Variants in ZBTB20 observed in about 807,000 individuals in gnomAD.
ZBTB20 encodes the protein zinc finger and BTB domain-containing protein 20.
ZBTB20 carries 9 observed loss-of-function variants against 56.9 expected under a neutral mutation model. The observed-to-expected ratio is 0.16, with a 90% CI of 0.10 to 0.28. The LOEUF (loss-of-function observed/expected upper bound fraction) is 0.28, where lower values mean the gene tolerates loss of function less well. Among genes scored for constraint, ZBTB20 ranks in the 10% least tolerant of loss-of-function variants. The pLI, the probability that ZBTB20 is intolerant of heterozygous loss-of-function variation, is 1.00. For synonymous variants in ZBTB20, 417 were observed against 420.7 expected (o/e 0.99, Z 0.11); for missense variants, 655 against 1,003.0 (o/e 0.65, Z 4.69).
chr3:114,406,567 T>A (rs1402035076), intron 7 of ZBTB20, among the ~76,000 whole-genome samples: 1 of 152,100 alleles, frequency 6.6e-6, no homozygotes, highest in Non-Finnish European at 1.5e-5. Context: ...TGCGCCTTAC[T>A]CGAGATGACA....
At chr3:115,066,923 C>CATAATATTTTACATTTATATTT (rs2082227621) in intron 2 of ZBTB20, among the ~76,000 whole-genome samples, 1 of 151,896 alleles carries the variant, frequency 6.6e-6, no homozygotes, top group African/African-American at 2.4e-5. Flanking sequence ...GTGCTTTTAC[C>CATAATATTTTACATTTATATTT]ATAATATTTT....
intron 2 of ZBTB20, among the ~76,000 whole-genome samples, chr3:114,983,979 G>A (rs1055751790): frequency 6.6e-6 from 1 of 151,768 alleles, no homozygotes; most frequent in Non-Finnish European, 1.5e-5. Flanking sequence ...CCCAGTTGAC[G>A]TTCTTATCCA....
At chr3:115,145,663 C>T (rs1024179891) in intron 1 of ZBTB20, among the ~76,000 whole-genome samples, 1 of 152,120 alleles carries the variant, frequency 6.6e-6, no homozygotes, top group Non-Finnish European at 1.5e-5. Flanking sequence ...AACCCAGGCA[C>T]AGGAAGGGCT....
At chr3:114,893,298 T>C (rs920593466) in intron 4 of ZBTB20, among the ~76,000 whole-genome samples, 1 of 152,180 alleles carries the variant, frequency 6.6e-6, no homozygotes, top group Non-Finnish European at 1.5e-5. Flanking sequence ...CACAGAGGAA[T>C]GGGCAGCTCT....
At position 114,844,520 on chromosome 3, in the gene ZBTB20, C is replaced by CAAA. The variant is rs71146342; in HGVS notation, c.-416-43349_-416-43347dup. On this transcript the variant is annotated intron_variant, in intron 4 of 11. Transcript: ENST00000675478. ...TGGTTGACAGAGCAAGTCCCTGTCT[C>CAAA]AAAAAAAAAAAAAAAAAAAAAAAAA... Among the ~76,000 whole-genome samples, 160 of 22,804 alleles carry CAAA rather than the reference C, an allele frequency of 7.0e-3. 62 individuals are homozygous for CAAA. Among genetic ancestry groups the CAAA allele is most frequent in the African/African-American group, 0.023 (93 of 4,016 alleles). 15.0% of individuals were successfully genotyped at this position (22,804 alleles called of 152,430 possible).
At chr3:114,751,352 T>G (rs772602397) in intron 5 of ZBTB20, among the ~76,000 whole-genome samples, 1 of 152,138 alleles carries the variant, frequency 6.6e-6, no homozygotes, top group Non-Finnish European at 1.5e-5. Flanking sequence ...TCACAAAAAG[T>G]AACTTGTCCA....
At chr3:114,579,479 T>G (rs1284362185) in intron 6 of ZBTB20, among the ~76,000 whole-genome samples, 1 of 150,834 alleles carries the variant, frequency 6.6e-6, no homozygotes, top group Non-Finnish European at 1.5e-5. Flanking sequence ...TAAAAATTAT[T>G]GAAAGTAAAA....
chr3:114,433,317 C>T (rs1454030803), intron 7 of ZBTB20, among the ~76,000 whole-genome samples: 1 of 152,118 alleles, frequency 6.6e-6, no homozygotes, highest in Non-Finnish European at 1.5e-5. Flanking sequence ...ATCAAAATTA[C>T]TATTTTAGAA....
intron 6 of ZBTB20, among the ~76,000 whole-genome samples, chr3:114,641,135 A>G (rs191604526): frequency 7.6e-4 from 115 of 152,216 alleles, no homozygotes; most frequent in African/African-American, 2.5e-3. Context: ...AGTTATTAAC[A>G]GTTACTATTA....
At chr3:115,112,550 G>A (rs766662691) in intron 1 of ZBTB20, among the ~76,000 whole-genome samples, 3 of 152,100 alleles carry the variant, frequency 2.0e-5, no homozygotes, top group Admixed American at 1.3e-4. Flanking sequence ...GTGAGAACAC[G>A]AGATATCTGT....
intron 5 of ZBTB20, among the ~76,000 whole-genome samples, chr3:114,712,441 G>A (rs576560187): frequency 2.8e-4 from 42 of 151,912 alleles, no homozygotes; most frequent in Admixed American, 6.6e-5. Flanking sequence ...ACCTGAGGTC[G>A]GGAGTTTGAG....
intron 7 of ZBTB20, among the ~76,000 whole-genome samples, chr3:114,397,170 A>C (rs2108672516): frequency 6.6e-6 from 1 of 152,206 alleles, no homozygotes; most frequent in South Asian, 2.1e-4. Context: ...CTGTATCACC[A>C]TTCTCCATTT....
At chr3:114,544,586 C>G (rs1413059244) in intron 6 of ZBTB20, among the ~76,000 whole-genome samples, 1 of 151,558 alleles carries the variant, frequency 6.6e-6, no homozygotes, top group Non-Finnish European at 1.5e-5. Flanking sequence ...TCACTGCAGC[C>G]TCTGCCTCCT....
intron 2 of ZBTB20, among the ~76,000 whole-genome samples, chr3:115,061,292 A>G (rs1045600117): frequency 2.0e-5 from 3 of 152,188 alleles, no homozygotes; most frequent in Non-Finnish European, 4.4e-5. Flanking sequence ...TCACCTGCAA[A>G]ATGCAAATAG....
At chr3:114,731,948 T>C (rs148336886) in intron 5 of ZBTB20, among the ~76,000 whole-genome samples, 209 of 149,194 alleles carry the variant, frequency 1.4e-3, no homozygotes, top group Middle Eastern at 6.8e-3. Context: ...GTTACTAATC[T>C]GGCTGTGCCT....
chr3:115,093,909 C>T (rs1478939546), intron 1 of ZBTB20, among the ~76,000 whole-genome samples: 5 of 152,132 alleles, frequency 3.3e-5, no homozygotes, highest in Non-Finnish European at 7.4e-5. Flanking sequence ...AAAACTAATG[C>T]TGTACAGATA....
chr3:114,571,634 G>C (rs1018074404), intron 6 of ZBTB20, among the ~76,000 whole-genome samples: 2 of 152,134 alleles, frequency 1.3e-5, no homozygotes, highest in African/African-American at 4.8e-5. Flanking sequence ...AATGCCATGG[G>C]GTTAGAGTGG....
At chr3:114,574,600 A>C (rs892839909) in intron 6 of ZBTB20, among the ~76,000 whole-genome samples, 2 of 152,090 alleles carry the variant, frequency 1.3e-5, no homozygotes, top group African/African-American at 2.4e-5. Flanking sequence ...ATATCTTCAT[A>C]TCTGTTGCTT....
At chr3:115,121,915 C>T (rs2084193153) in intron 1 of ZBTB20, among the ~76,000 whole-genome samples, 1 of 151,884 alleles carries the variant, frequency 6.6e-6, no homozygotes, top group South Asian at 2.1e-4. Context: ...GAAAGATCTC[C>T]TCATTTTTAA....
Sources: gnomAD v4.1 joint callset for allele counts (sites outside exome capture counted in the v4.1 genomes callset) on GRCh38, gnomAD v4.1.1 for gene constraint, MANE v1.5 for transcripts, NCBI Gene and HGNC (gene_info 2026-07-23, HGNC 2026-07-21) for gene names.